FHIT: variants seen among roughly 807,000 people sequenced by gnomAD.
FHIT encodes the protein fragile histidine triad diadenosine triphosphatase, also known as bis(5'-adenosyl)-triphosphatase.
FHIT carries 19 observed loss-of-function variants against 17.9 expected under a neutral mutation model. The ratio of observed to expected loss-of-function variants is 1.06; its 90% CI spans 0.74 to 1.56. The LOEUF is 1.56. FHIT is among the 40% of genes most tolerant of loss of function. The pLI is 0.00. For missense variants in FHIT, 248 were observed against 189.2 expected, an observed-to-expected ratio of 1.31 and a Z score of -1.82; for synonymous variants, 81 against 69.7, an observed-to-expected ratio of 1.16 and a Z score of -0.81.
intron 5 of FHIT, among the ~76,000 whole-genome samples, chr3:60,247,674 G>A (rs1705471636): frequency 6.6e-6 from 1 of 152,028 alleles, no homozygotes; most frequent in East Asian, 1.9e-4. Context: ...TGAACCAATG[G>A]CATTTCATAG....
At chr3:60,067,820 G>A (rs186957325) in intron 5 of FHIT, among the ~76,000 whole-genome samples, 3 of 152,262 alleles carry the variant, frequency 2.0e-5, no homozygotes, top group East Asian at 1.9e-4. Flanking sequence ...CGTTCTTGTC[G>A]CTGCCTAACA....
intron 5 of FHIT, among the ~76,000 whole-genome samples, chr3:60,054,282 A>G (rs371809155): frequency 6.6e-6 from 1 of 152,232 alleles, no homozygotes; most frequent in South Asian, 2.1e-4. Flanking sequence ...TACAGAGTGT[A>G]AAACTATTTT....
At chr3:59,971,118 T>C (rs1013310556) in intron 7 of FHIT, among the ~76,000 whole-genome samples, 2 of 152,092 alleles carry the variant, frequency 1.3e-5, no homozygotes, top group African/African-American at 4.8e-5. Flanking sequence ...ATGCCACATA[T>C]TAATTTAAAT....
At chr3:60,429,480 C>T (rs917314592) in intron 5 of FHIT, among the ~76,000 whole-genome samples, 3 of 151,972 alleles carry the variant, frequency 2.0e-5, no homozygotes, top group Non-Finnish European at 4.4e-5. Flanking sequence ...CAACTTCAGA[C>T]CCATGAGGGA....
At chr3:60,144,602 AT>A (rs1221012417) in intron 5 of FHIT, among the ~76,000 whole-genome samples, 2 of 152,018 alleles carry the variant, frequency 1.3e-5, no homozygotes, top group African/African-American at 2.4e-5. Flanking sequence ...ATGTTTATGT[AT>A]TTTTTAATGA....
chr3:60,952,183 A>G (rs1708918602), intron 3 of FHIT, among the ~76,000 whole-genome samples: 1 of 145,074 alleles, frequency 6.9e-6, no homozygotes, highest in Non-Finnish European at 1.5e-5. Context: ...CCCCCCCAAA[A>G]AAAAAAAAGA....
chr3:60,964,622 G>A (rs530490900), intron 3 of FHIT, among the ~76,000 whole-genome samples: 2 of 152,294 alleles, frequency 1.3e-5, no homozygotes, highest in East Asian at 1.9e-4. Flanking sequence ...TTGTAAGGCA[G>A]GCCTGGTGGT....
chr3:60,137,015 T>C (rs1463568925), intron 5 of FHIT, among the ~76,000 whole-genome samples: 1 of 152,198 alleles, frequency 6.6e-6, no homozygotes, highest in Non-Finnish European at 1.5e-5. Flanking sequence ...TATGATAGTG[T>C]CCTTTTGGCA....
chr3:61,243,616 G>A (rs1470817959), intron 1 of FHIT, among the ~76,000 whole-genome samples: 1 of 152,122 alleles, frequency 6.6e-6, no homozygotes, highest in African/African-American at 2.4e-5. Flanking sequence ...TATTTTATCT[G>A]AACAACTGTT....
intron 3 of FHIT, among the ~76,000 whole-genome samples, chr3:60,870,565 A>G (rs1226918040): frequency 6.6e-6 from 1 of 152,172 alleles, no homozygotes; most frequent in Non-Finnish European, 1.5e-5. Flanking sequence ...ACTGAGCAGC[A>G]TGAAGCTATC....
At chr3:60,933,396 A>T (rs1470042588) in intron 3 of FHIT, among the ~76,000 whole-genome samples, 1 of 152,248 alleles carries the variant, frequency 6.6e-6, no homozygotes, top group Non-Finnish European at 1.5e-5. Flanking sequence ...TAAGCAACAG[A>T]AATTAATAAT....
intron 5 of FHIT, among the ~76,000 whole-genome samples, chr3:60,385,795 C>T (rs560832696): frequency 3.3e-5 from 5 of 152,146 alleles, no homozygotes; most frequent in East Asian, 3.9e-4. Context: ...CTAGACTGGT[C>T]TTGAACTCCT....
At chr3:59,983,646 G>A (rs374291382) in intron 7 of FHIT, among the ~76,000 whole-genome samples, 30 of 152,150 alleles carry the variant, frequency 2.0e-4, no homozygotes, top group African/African-American at 5.5e-4. Context: ...TAGATAAGGC[G>A]GACTAATGTA....
intron 2 of FHIT, among the ~76,000 whole-genome samples, chr3:61,056,989 G>A (rs1167527136): frequency 6.6e-6 from 1 of 152,186 alleles, no homozygotes; most frequent in Non-Finnish European, 1.5e-5. Flanking sequence ...CTCAGAGTAG[G>A]GGTGGAGTAC....
chr3:61,194,825 A>G (rs1245306992), intron 2 of FHIT, among the ~76,000 whole-genome samples: 1 of 152,212 alleles, frequency 6.6e-6, no homozygotes, highest in Non-Finnish European at 1.5e-5. Flanking sequence ...GGGAAGCTCT[A>G]TTAACACCAA....
intron 5 of FHIT, among the ~76,000 whole-genome samples, chr3:60,084,402 CG>C (rs969259960): frequency 5.3e-5 from 8 of 152,146 alleles, no homozygotes; most frequent in African/African-American, 1.9e-4. Context: ...ATCACTCATT[CG>C]TTCACTCTAC....
At position 60,423,808 on chromosome 3, in the gene FHIT, C is replaced by T. The variant is rs146402240; in HGVS notation, c.103+113052G>A. 4.1e-3 allele frequency among the ~76,000 whole-genome samples: 631 copies of T among 152,244 alleles called. 9 individuals are homozygous for T. Among genetic ancestry groups the T allele is most frequent in the African/African-American group, 0.014 (600 of 41,552 alleles). ...CTTTTCAGGGCAGGATGAGGAAATACAGTGCCCCTAGCTAACTTCTTGCAG... is the reference window on the plus strand; with the variant it reads ...CTTTTCAGGGCAGGATGAGGAAATATAGTGCCCCTAGCTAACTTCTTGCAG... On this transcript the variant is annotated intron_variant, in intron 5 of 9. Coordinates refer to ENST00000492590, the MANE Select transcript of FHIT (RefSeq NM_002012.4).
intron 4 of FHIT, among the ~76,000 whole-genome samples, chr3:60,690,934 C>A (rs1474492155): frequency 6.6e-6 from 1 of 151,646 alleles, no homozygotes; most frequent in Non-Finnish European, 1.5e-5. Flanking sequence ...ATATTTTGTA[C>A]CATATAGTGT....
intron 8 of FHIT, among the ~76,000 whole-genome samples, chr3:59,855,786 G>GTTT (rs67545645): frequency 6.9e-6 from 1 of 144,608 alleles, no homozygotes; most frequent in Non-Finnish European, 1.5e-5. Context: ...ACCTTTTTTT[G>GTTT]TTTTTTTTTT....
Sources: allele counts gnomAD v4.1 joint callset (sites outside exome capture counted in the v4.1 genomes callset), GRCh38; gene constraint gnomAD v4.1.1; transcripts MANE v1.5; gene names NCBI Gene and HGNC (gene_info 2026-07-23, HGNC 2026-07-21).